ZMYND11: variants seen among roughly 807,000 people sequenced by gnomAD.
ZMYND11 encodes the protein zinc finger MYND domain-containing protein 11.
ZMYND11 carries 9 observed loss-of-function variants against 84.9 expected under a neutral mutation model. The ratio of observed to expected loss-of-function variants is 0.11; its 90% CI spans 0.06 to 0.18. The LOEUF is 0.18. ZMYND11 is among the 10% of genes least tolerant of loss of function. The pLI is 1.00. For missense variants in ZMYND11, 409 were observed against 761.0 expected (o/e 0.54, Z 5.44); for synonymous variants, 250 against 244.1 (o/e 1.02, Z -0.23).
chr10:241,577 A>G (rs1245303326), intron 9 of ZMYND11, among the ~76,000 whole-genome samples: 1 of 152,250 alleles, frequency 6.6e-6, no homozygotes, highest in Non-Finnish European at 1.5e-5. Context: ...TTTCCCCAAA[A>G]TAATACAGCT....
intron 1 of ZMYND11, among the ~76,000 whole-genome samples, chr10:175,315 C>T (rs1291667444): frequency 2.0e-5 from 3 of 152,128 alleles, no homozygotes; most frequent in Non-Finnish European, 2.9e-5. Context: ...AGTAATTCTC[C>T]CCAGCACTTT....
At chr10:163,762 T>G (rs1424428386) in intron 1 of ZMYND11, among the ~76,000 whole-genome samples, 3 of 152,140 alleles carry the variant, frequency 2.0e-5, no homozygotes, top group Non-Finnish European at 4.4e-5. Flanking sequence ...TCTGTGGCTG[T>G]CTGTTCACAT....
intron 4 of ZMYND11, among the ~76,000 whole-genome samples, chr10:227,523 A>G (rs996112279): frequency 6.6e-6 from 1 of 151,240 alleles, no homozygotes; most frequent in Non-Finnish European, 1.5e-5. Flanking sequence ...TTTGTACTGT[A>G]ACTTTTTGTT....
chr10:203,971 T>G (rs1055293410), intron 2 of ZMYND11, among the ~76,000 whole-genome samples: 1 of 152,226 alleles, frequency 6.6e-6, no homozygotes, highest in Admixed American at 6.5e-5. Flanking sequence ...GTAATAATCC[T>G]TGGTACAGTT....
chr10:212,837 A>G (rs1162141568), intron 3 of ZMYND11, among the ~76,000 whole-genome samples: 1 of 152,124 alleles, frequency 6.6e-6, no homozygotes, highest in Non-Finnish European at 1.5e-5. Flanking sequence ...TTACTTTTCA[A>G]CCTGTATTCT....
At chr10:240,387 C>A (rs1950674651) in intron 8 of ZMYND11, among the ~76,000 whole-genome samples, 1 of 152,110 alleles carries the variant, frequency 6.6e-6, no homozygotes, top group African/African-American at 2.4e-5. Flanking sequence ...GCCTGTAGTC[C>A]CAGCTACTCG....
At chr10:151,853 T>C (rs1156896290) in intron 1 of ZMYND11, among the ~76,000 whole-genome samples, 1 of 152,158 alleles carries the variant, frequency 6.6e-6, no homozygotes, top group African/African-American at 2.4e-5. Context: ...CCCATCAGAC[T>C]AACAGCTGAT....
chr10:168,697 T>G (rs189415043), intron 1 of ZMYND11, among the ~76,000 whole-genome samples: 1 of 152,120 alleles, frequency 6.6e-6, no homozygotes, highest in African/African-American at 2.4e-5. Flanking sequence ...AACAAAACTC[T>G]TTTAGATCCA....
At chr10:160,979 T>G (rs1260813383) in intron 1 of ZMYND11, among the ~76,000 whole-genome samples, 1 of 59,102 alleles carries the variant, frequency 1.7e-5, no homozygotes, top group Admixed American at 1.9e-4. Context: ...TTTTTTTTTT[T>G]GAGACAGGGT....
intron 8 of ZMYND11, 142 bp from the exon 9 acceptor site, chr10:240,751 T>TTATA: frequency 1.5e-6 from 1 of 672,390 alleles, no homozygotes; most frequent in South Asian, 2.0e-5. Context: ...ATTGAAAACT[T>TTATA]TAAAATTTAG....
chr10:207,198 A>G, intron 2 of ZMYND11, among the ~76,000 whole-genome samples: 1 of 152,192 alleles, frequency 6.6e-6, no homozygotes, highest in Non-Finnish European at 1.5e-5. Flanking sequence ...ATAGTATTCC[A>G]TGGTGTATAT....
intron 1 of ZMYND11, among the ~76,000 whole-genome samples, chr10:158,412 C>CTTTTTTTT (rs372896551): frequency 3.3e-4 from 47 of 142,472 alleles, no homozygotes; most frequent in Non-Finnish European, 5.7e-4. Context: ...TTGTCTTTTC[C>CTTTTTTTT]TTTTTTTTTT....
At chr10:168,053 A>T (rs1554764473) in intron 1 of ZMYND11, among the ~76,000 whole-genome samples, 2 of 152,120 alleles carry the variant, frequency 1.3e-5, no homozygotes, top group African/African-American at 2.4e-5. Flanking sequence ...TGAATCAGTA[A>T]GTATTTATTT....
rs1942788028 is a variant in ZMYND11, at chr10:200,150, G to C, written c.117-9739G>C. Among the ~76,000 whole-genome samples the C allele has an allele frequency of 2.0e-5, 3 of 149,860 alleles. No individual in the cohort carries two copies. In the South Asian group the frequency reaches 6.4e-4, roughly 32 times the overall value. ...AACAGAGGTTTTGGCAGGGAGGGAA[G>C]GGTTCAAGTTAGGGTTAGCTGAGAC... On this transcript the variant is annotated intron_variant, in intron 2 of 14. Coordinates refer to ENST00000381604, the MANE Select transcript of ZMYND11 (RefSeq NM_001370100.5).
intron 2 of ZMYND11, among the ~76,000 whole-genome samples, chr10:189,646 A>T (rs11250781): frequency 0.31 from 47,164 of 152,108 alleles, 7,643 homozygotes; most frequent in East Asian, 0.48. Flanking sequence ...AGTTTTTTCC[A>T]GCATGCCAAA....
At chr10:244,492 A>G (rs1340620187) in intron 10 of ZMYND11, 1 of 152,280 alleles carries the variant, frequency 6.6e-6, no homozygotes, top group Non-Finnish European at 1.5e-5. Flanking sequence ...AGGATTTGCA[A>G]GATTTCGCCT....
chr10:237,513 G>T, intron 5 of ZMYND11, 72 bp from the exon 6 acceptor site: 1 of 906,352 alleles, frequency 1.1e-6, no homozygotes. Flanking sequence ...AAAATATTTT[G>T]AGCTTTAGGA....
chr10:180,249 T>G (rs1402952873), intron 2 of ZMYND11, 121 bp downstream of exon 2: 23 of 642,654 alleles, frequency 3.6e-5, no homozygotes, highest in Non-Finnish European at 5.7e-5. Flanking sequence ...GAAGACACTT[T>G]TTGCTTTGCA....
intron 1 of ZMYND11, among the ~76,000 whole-genome samples, chr10:160,244 T>C (rs376507916): frequency 3.3e-5 from 5 of 152,258 alleles, no homozygotes; most frequent in African/African-American, 9.6e-5. Context: ...ATAAAAGTTA[T>C]GTTTACACTT....
Sources: allele counts gnomAD v4.1 joint callset (sites outside exome capture counted in the v4.1 genomes callset), GRCh38; gene constraint gnomAD v4.1.1; transcripts MANE v1.5; gene names NCBI Gene and HGNC (gene_info 2026-07-23, HGNC 2026-07-21).